CNTN4: variants seen among roughly 807,000 people sequenced by gnomAD.
CNTN4 encodes contactin-4.
Under a neutral mutation model 122.5 loss-of-function variants are expected in CNTN4, and 77 were observed. The observed-to-expected ratio is 0.63, with a 90% CI of 0.52 to 0.76. CNTN4 has a LOEUF of 0.76. Ranked by LOEUF, CNTN4 falls within the 30% of genes least tolerant of loss-of-function variation. CNTN4 has a pLI of 0.00. For synonymous variants in CNTN4, 512 were observed against 447.0 expected (o/e 1.15, Z -1.83); for missense variants, 1,256 against 1,259.1 (o/e 1.00, Z 0.04).
chr3:2,987,275 G>C (rs952826833), intron 13 of CNTN4, among the ~76,000 whole-genome samples: 1 of 152,200 alleles, frequency 6.6e-6, no homozygotes, highest in Non-Finnish European at 1.5e-5. Flanking sequence ...GATCCATTAG[G>C]CTTCATAATA....
chr3:2,411,657 TC>T (rs930224106), intron 3 of CNTN4, among the ~76,000 whole-genome samples: 3 of 152,142 alleles, frequency 2.0e-5, no homozygotes, highest in African/African-American at 7.2e-5. Flanking sequence ...CCTGCCTTCC[TC>T]CCTCCTGCTC....
chr3:2,113,282 A>G (rs1375181792), intron 2 of CNTN4, among the ~76,000 whole-genome samples: 3 of 152,170 alleles, frequency 2.0e-5, no homozygotes, highest in Non-Finnish European at 2.9e-5. Context: ...GCTGCATTTC[A>G]TTGATTAAAA....
intron 4 of CNTN4, among the ~76,000 whole-genome samples, chr3:2,731,350 G>A (rs145433097): frequency 4.0e-4 from 61 of 152,070 alleles, no homozygotes; most frequent in African/African-American, 9.9e-4. Context: ...GATAATTACC[G>A]TGGTATGGAA....
At chr3:2,944,993 C>T (rs766814061) in intron 13 of CNTN4, among the ~76,000 whole-genome samples, 1 of 152,128 alleles carries the variant, frequency 6.6e-6, no homozygotes, top group Admixed American at 6.6e-5. Context: ...CCTGGATCAG[C>T]CAGTCATGGG....
intron 3 of CNTN4, among the ~76,000 whole-genome samples, chr3:2,431,003 A>G (rs2048047892): frequency 6.6e-6 from 1 of 152,234 alleles, no homozygotes; most frequent in South Asian, 2.1e-4. Context: ...CATTGCATCC[A>G]GTATGTGGTA....
intron 3 of CNTN4, among the ~76,000 whole-genome samples, chr3:2,357,767 A>G (rs898871631): frequency 6.6e-6 from 1 of 152,220 alleles, no homozygotes; most frequent in Non-Finnish European, 1.5e-5. Flanking sequence ...CAATTATATG[A>G]TCCTGCAACA....
chr3:2,186,983 AG>A (rs1392768614), intron 2 of CNTN4, among the ~76,000 whole-genome samples: 1 of 152,124 alleles, frequency 6.6e-6, no homozygotes, highest in Admixed American at 6.6e-5. Context: ...TTGGTGTTTT[AG>A]ACATGAAGTC....
intron 8 of CNTN4, among the ~76,000 whole-genome samples, chr3:2,881,214 A>C (rs1192128194): frequency 7.9e-5 from 12 of 152,140 alleles, no homozygotes; most frequent in Non-Finnish European, 1.5e-5. Context: ...GAAATGGCTG[A>C]TGAAAAGGGT....
intron 18 of CNTN4, among the ~76,000 whole-genome samples, chr3:3,038,560 G>C (rs1174420959): frequency 6.6e-6 from 1 of 152,182 alleles, no homozygotes; most frequent in African/African-American, 2.4e-5. Flanking sequence ...GGCAGAGCTT[G>C]TACTCTTCCC....
At chr3:2,692,852 G>C (rs1485290256) in intron 4 of CNTN4, among the ~76,000 whole-genome samples, 2 of 151,996 alleles carry the variant, frequency 1.3e-5, no homozygotes, top group Non-Finnish European at 2.9e-5. Context: ...CATAAGGTTA[G>C]AGTAACTTTT....
At chr3:2,147,571 T>C (rs941372794) in intron 2 of CNTN4, among the ~76,000 whole-genome samples, 2 of 152,154 alleles carry the variant, frequency 1.3e-5, no homozygotes, top group African/African-American at 2.4e-5. Context: ...CTCCACTCTT[T>C]AACCTTCCTT....
chr3:2,575,685 C>T (rs2079631477), intron 4 of CNTN4, among the ~76,000 whole-genome samples: 1 of 152,060 alleles, frequency 6.6e-6, no homozygotes, highest in African/African-American at 2.4e-5. Context: ...TTCCTGAACA[C>T]AGTAAATACA....
rs2150523812 is a variant in CNTN4, at chr3:2,841,936, A to T, written c.454+22355A>T. ...AAAGGATTAATTAGGTCACATTGAA[A>T]TATATGATTTTAAAACAGATTGAAA... On this transcript the variant is annotated intron_variant, in intron 7 of 24. Coordinates refer to ENST00000418658, the MANE Select transcript of CNTN4 (RefSeq NM_175607.3). This position sits in a 1 kb window ranked among gnomAD's most constrained non-coding sequence, Gnocchi z 4.8. Among the ~76,000 whole-genome samples the T allele has an allele frequency of 6.6e-6, 1 of 152,114 alleles. No individual in the cohort carries two copies. Among genetic ancestry groups the T allele is most frequent in the African/African-American group, 2.4e-5 (1 of 41,388 alleles).
intron 4 of CNTN4, among the ~76,000 whole-genome samples, chr3:2,669,182 G>T (rs894362363): frequency 7.2e-5 from 11 of 152,268 alleles, no homozygotes; most frequent in African/African-American, 2.6e-4. Context: ...GCTCCTCCTT[G>T]TACCTCTGGT....
At chr3:2,889,631 C>G (rs751255973) in intron 10 of CNTN4, among the ~76,000 whole-genome samples, 7 of 152,124 alleles carry the variant, frequency 4.6e-5, no homozygotes, top group Non-Finnish European at 1.0e-4. Flanking sequence ...AGATAATTGG[C>G]CAACATTTTC....
chr3:2,465,425 C>T (rs1409331162), intron 3 of CNTN4, among the ~76,000 whole-genome samples: 12 of 151,996 alleles, frequency 7.9e-5, no homozygotes, highest in Admixed American at 7.9e-4. Context: ...GCCTGTAATC[C>T]CAGCACTTTG....
intron 2 of CNTN4, among the ~76,000 whole-genome samples, chr3:2,133,955 CTT>C (rs1348586533): frequency 1.3e-5 from 2 of 152,122 alleles, no homozygotes; most frequent in African/African-American, 2.4e-5. Flanking sequence ...CTATATTTCT[CTT>C]GTTTGACTTA....
At chr3:2,538,737 A>C (rs1368851837) in intron 3 of CNTN4, among the ~76,000 whole-genome samples, 1 of 151,982 alleles carries the variant, frequency 6.6e-6, no homozygotes, top group Non-Finnish European at 1.5e-5. Flanking sequence ...ATGAATAACA[A>C]AGAAATAAAA....
chr3:2,340,710 T>TATAGAGAGAGAGAGAGAG, intron 3 of CNTN4, among the ~76,000 whole-genome samples: 17 of 18,298 alleles, frequency 9.3e-4, no homozygotes, highest in Non-Finnish European at 1.8e-3. Flanking sequence ...TATATATATA[T>TATAGAGAGAGAGAGAGAG]AGAGAGAGAG....
Sources: gnomAD v4.1 joint callset for allele counts (sites outside exome capture counted in the v4.1 genomes callset) on GRCh38, gnomAD v4.1.1 for gene constraint, Gnocchi (gnomAD v3.1) non-coding constraint, MANE v1.5 for transcripts, NCBI Gene and HGNC (gene_info 2026-07-23, HGNC 2026-07-21) for gene names.